Variants in TCAIM observed in about 807,000 individuals in gnomAD.
The protein encoded by TCAIM is T-cell activation inhibitor, mitochondrial.
TCAIM carries 36 observed loss-of-function variants against 58.6 expected under a neutral mutation model. The observed-to-expected ratio is 0.61, with a 90% CI of 0.47 to 0.81. The LOEUF (loss-of-function observed/expected upper bound fraction) is 0.81, where lower values mean the gene tolerates loss of function less well. TCAIM is among the 30% of genes least tolerant of loss of function. The pLI is 0.00. For missense variants in TCAIM, 466 were observed against 579.6 expected, an observed-to-expected ratio of 0.80 and a Z score of 2.01; for synonymous variants, 172 against 193.6, an observed-to-expected ratio of 0.89 and a Z score of 0.93.
At chr3:44,384,853 G>T (rs983603450) in intron 5 of TCAIM, among the ~76,000 whole-genome samples, 10 of 152,322 alleles carry the variant, frequency 6.6e-5, no homozygotes, top group African/African-American at 2.4e-4. Flanking sequence ...AATAGCTCAT[G>T]CATTGTTTAG....
rs201334117 is a variant in TCAIM at position 44,400,497 on chromosome 3, C to A, written c.1028C>A (p.Ser343Tyr). Residue 343 changes from serine (S) to tyrosine (Y), a missense_variant, in exon 9 of 11, where the codon TCT (serine) becomes TAT (tyrosine). By Grantham distance (144) the Ser-to-Tyr change is moderately radical. Transcript: ENST00000342649. ...GTATTGACACTTGAAGAATATTACT[C>A]TCTTCTTGATGTGTTTTATAATAGA... ...QPVLTLEEYY[S>Y]LLDVFYNRLL... 24 of 1,613,520 alleles carry A rather than the reference C, an allele frequency of 1.5e-5. No individual in the cohort carries two copies. The Admixed American group carries it at 4.0e-4, about 27-fold the overall frequency.
rs145680227 is a variant in TCAIM at position 44,384,174 on chromosome 3, T to C, written c.573-8681T>C. Among the ~76,000 whole-genome samples the C allele has an allele frequency of 4.4e-3, 663 of 152,352 alleles. 6 individuals carry two copies. Among genetic ancestry groups the C allele is most frequent in the Non-Finnish European group, 4.3e-3 (294 of 68,030 alleles). ...GCTCTGAATTTTTAAATCTCTGTGA[T>C]TATAAAATTAAGCCAAGAATTAAAA... On this transcript the variant is annotated intron_variant, in intron 5 of 10. Transcript: ENST00000342649.
At chr3:44,360,588 A>T (rs910198409) in intron 3 of TCAIM, among the ~76,000 whole-genome samples, 2 of 150,826 alleles carry the variant, frequency 1.3e-5, no homozygotes, top group Admixed American at 6.6e-5. Flanking sequence ...TTCACTTCCT[A>T]TATATAATCT....
intron 1 of TCAIM, among the ~76,000 whole-genome samples, chr3:44,347,718 G>A (rs1225278976): frequency 6.6e-6 from 1 of 152,180 alleles, no homozygotes; most frequent in African/African-American, 2.4e-5. Flanking sequence ...TGCTGTAACA[G>A]GCAAGTGATA....
chr3:44,384,345 AT>A (rs1701700761), intron 5 of TCAIM, among the ~76,000 whole-genome samples: 1 of 152,194 alleles, frequency 6.6e-6, no homozygotes, highest in Admixed American at 6.5e-5. Flanking sequence ...TCAGGAAGGT[AT>A]TCTTTTCTCT....
At chr3:44,405,560 C>T (rs1179810722) in intron 10 of TCAIM, among the ~76,000 whole-genome samples, 2 of 152,108 alleles carry the variant, frequency 1.3e-5, no homozygotes, top group African/African-American at 4.8e-5. Context: ...GTAGTCTCAG[C>T]TACTTGGGAA....
intron 2 of TCAIM, among the ~76,000 whole-genome samples, chr3:44,356,811 CAA>C (rs1297782768): frequency 4.3e-5 from 3 of 69,848 alleles, no homozygotes; most frequent in Non-Finnish European, 6.2e-5. Context: ...ACTAAAAATA[CAA>C]AAAAAAAAAA....
Position 44,379,294 on chromosome 3 carries a change from A to T in TCAIM, c.572+11586A>T, listed in dbSNP as rs568247610. ...GGTAAGAGTGTATATTAGTTAAACC[A>T]TCGTGGAAAGTAGTGTGGCAATTCC... On this transcript the variant is annotated intron_variant, in intron 5 of 10. Coordinates refer to ENST00000342649, the MANE Select transcript of TCAIM (RefSeq NM_173826.4). Among the ~76,000 whole-genome samples, 88 of 152,338 alleles carry T rather than the reference A, an allele frequency of 5.8e-4. 2 individuals carry two copies. In the South Asian group the frequency reaches 0.017, roughly 29 times the overall value.
rs537496591 is a variant in TCAIM, at chr3:44,408,619, G to C, written c.*937G>C. On this transcript the variant is annotated 3_prime_UTR_variant, in exon 11 of 11. Transcript: ENST00000342649. ...AGTGAGGTGATTCATTTGTTTCATG[G>C]GCAAACACTATCCAGGAAAAGCCTT... 3.7e-3 allele frequency: 568 copies of C among 152,150 alleles called. 1 individual carries two copies. The highest frequency in any genetic ancestry group is 0.012 in the African/African-American group (510 of 41,512). The allele number at this position is 152,150 out of a possible 1,614,324, so 9.4% of individuals were successfully genotyped here.
At chr3:44,350,161 T>C (rs549506688) in intron 1 of TCAIM, among the ~76,000 whole-genome samples, 34 of 152,066 alleles carry the variant, frequency 2.2e-4, no homozygotes, top group Admixed American at 5.9e-4. Context: ...GGCAGTTTTA[T>C]AGGATTTGGG....
At chr3:44,396,178 A>G (rs62253892) in intron 6 of TCAIM, among the ~76,000 whole-genome samples, 2,643 of 152,378 alleles carry the variant, frequency 0.017, 37 homozygotes, top group Non-Finnish European at 0.028. Flanking sequence ...ATACCTGAAC[A>G]TAGTAGTAAT....
intron 5 of TCAIM, among the ~76,000 whole-genome samples, chr3:44,376,726 A>G (rs1701570882): frequency 6.6e-6 from 1 of 152,270 alleles, no homozygotes; most frequent in African/African-American, 2.4e-5. Context: ...GTTGTATCTT[A>G]TAAGTAATTA....
rs916084373 is a variant in TCAIM at position 44,409,229 on chromosome 3, T to G, written c.*1547T>G. The G allele has an allele frequency of 6.6e-6, 1 of 152,208 alleles. No homozygotes were observed. The highest frequency in any genetic ancestry group is 1.5e-5 in the Non-Finnish European group (1 of 68,042). 9.4% of individuals were successfully genotyped at this position (152,208 alleles called of 1,614,324 possible). ...TTTAACCGTGCCTAACAACTGTACT[T>G]AAATTTTGTTTTCTAGTGTAACAAA... is the stretch of plus-strand genomic sequence containing the variant. On this transcript the variant is annotated 3_prime_UTR_variant, in exon 11 of 11. Coordinates refer to ENST00000342649, the MANE Select transcript of TCAIM (RefSeq NM_173826.4).
chr3:44,353,318 T>C (rs1462720702), intron 1 of TCAIM, among the ~76,000 whole-genome samples: 1 of 152,216 alleles, frequency 6.6e-6, no homozygotes, highest in Non-Finnish European at 1.5e-5. Flanking sequence ...AGTTTATCCA[T>C]TTACTTACTG....
intron 1 of TCAIM, among the ~76,000 whole-genome samples, chr3:44,346,560 C>CTGAGAAATGATTTCCTTGAGGG (rs1700972654): frequency 6.6e-6 from 1 of 152,066 alleles, no homozygotes. Context: ...AGATGGAACA[C>CTGAGAAATGATTTCCTTGAGGG]TGAGAAATGA....
chr3:44,351,564 G>T (rs560929386), intron 1 of TCAIM, among the ~76,000 whole-genome samples: 2 of 151,606 alleles, frequency 1.3e-5, no homozygotes, highest in African/African-American at 4.9e-5. Flanking sequence ...GCGTGATCTC[G>T]GCTCACTCCA....
At chr3:44,384,685 T>A (rs907516097) in intron 5 of TCAIM, among the ~76,000 whole-genome samples, 2 of 152,246 alleles carry the variant, frequency 1.3e-5, no homozygotes, top group African/African-American at 4.8e-5. Context: ...CAAAGTTGTT[T>A]AATGGGAATC....
chr3:44,396,666 G>A lies in TCAIM; in HGVS notation c.794-77G>A, dbSNP rs1404409772. 5.3e-6 allele frequency: 8 copies of A among 1,516,184 alleles called. No individual in the cohort carries two copies. In the Admixed American group the frequency reaches 5.4e-5, roughly 10 times the overall value. The allele number at this position is 1,516,184 out of a possible 1,614,324, so 93.9% of individuals were successfully genotyped here. ...AAGCTTCTACTGAATTTAATCCTGG[G>A]TTTATACACTATTTGCACAATGCTG... On this transcript the variant is annotated intron_variant, in intron 7 of 10. Transcript: ENST00000342649.
intron 3 of TCAIM, among the ~76,000 whole-genome samples, chr3:44,360,344 C>T (rs1383724007): frequency 6.6e-6 from 1 of 152,072 alleles, no homozygotes; most frequent in Non-Finnish European, 1.5e-5. Flanking sequence ...TAGAGAACAC[C>T]CTTGCCCCTT....
Sources: gnomAD v4.1 joint callset for allele counts (sites outside exome capture counted in the v4.1 genomes callset) on GRCh38, gnomAD v4.1.1 for gene constraint, MANE v1.5 for transcripts, NCBI Gene and HGNC (gene_info 2026-07-23, HGNC 2026-07-21) for gene names.